The following ODF2 variants were observed in gnomAD, a reference collection of about 807,000 sequenced individuals.
ODF2 encodes the protein outer dense fiber protein 2.
A neutral mutation model predicts 110.2 loss-of-function variants in ODF2; 47 were observed. The ratio of observed to expected loss-of-function variants is 0.43; its 90% CI spans 0.34 to 0.54. ODF2 has a LOEUF of 0.54. Among genes scored for constraint, ODF2 ranks in the 20% least tolerant of loss-of-function variants. ODF2 has a pLI of 0.03. For missense variants in ODF2, 812 were observed against 1,054.5 expected (o/e 0.77, Z 3.19); for synonymous variants, 352 against 397.7 (o/e 0.89, Z 1.37).
In ODF2 at chr9:128,494,151, G is replaced by A. The variant is rs534480888; in HGVS notation, c.1753-359G>A. Among the ~76,000 whole-genome samples, 9 of 152,274 alleles carry A rather than the reference G, an allele frequency of 5.9e-5. No individual in the cohort carries two copies. Among genetic ancestry groups the A allele is most frequent in the Non-Finnish European group, 1.2e-4 (8 of 68,012 alleles). ...CCAGTTTTTAGCTGAATGACCTTGG[G>A]CAAATGACTTAGCTCTCTTGATGCT... is the stretch of plus-strand genomic sequence containing the variant. On this transcript the variant is annotated intron_variant, in intron 16 of 20. Coordinates refer to ENST00000604420, the Ensembl canonical transcript of ODF2. The surrounding 1 kb of genome is among the most constrained non-coding windows in gnomAD (Gnocchi z 4.6).
intron 6 of ODF2, 101 bp from the exon 7 acceptor site, chr9:128,472,812 C>CT: frequency 6.4e-7 from 1 of 1,552,562 alleles, no homozygotes; most frequent in African/African-American, 1.4e-5. Flanking sequence ...CTACTTTTCC[C>CT]TGACCAGAGG....
chr9:128,495,773 CTGAG>C (rs1457159740), intron 17 of ODF2, among the ~76,000 whole-genome samples: 1 of 152,176 alleles, frequency 6.6e-6, no homozygotes, highest in East Asian at 1.9e-4. Flanking sequence ...CTGGGTCTCT[CTGAG>C]TGGCCTCCCC....
At chr9:128,456,355 C>T (rs1450878713) in intron 1 of ODF2, 100 bp downstream of exon 1, 3 of 1,434,380 alleles carry the variant, frequency 2.1e-6, no homozygotes, top group African/African-American at 3.1e-5. Flanking sequence ...GCGGGGCCGT[C>T]GGGTCCTGGG....
exon 1 of ODF2, chr9:128,456,194 C>T (rs1834726723): frequency 1.9e-6 from 3 of 1,548,434 alleles, no homozygotes; most frequent in African/African-American, 1.4e-5. Context: ...TGGCACGACC[C>T]TGGCCTCCGA....
intron 16 of ODF2, among the ~76,000 whole-genome samples, chr9:128,493,222 C>T (rs544895343): frequency 6.6e-6 from 1 of 152,188 alleles, no homozygotes; most frequent in South Asian, 2.1e-4. Context: ...CCTGTCTCTA[C>T]TAAAAATACA....
intron 8 of ODF2, 92 bp from the exon 9 acceptor site, chr9:128,481,488 A>G: frequency 9.9e-7 from 1 of 1,007,602 alleles, no homozygotes; most frequent in Admixed American, 2.7e-5. Context: ...AAAAAAAAAT[A>G]CAATTTTTGG....
intron 4 of ODF2, chr9:128,461,291 C>G (rs1435704458): frequency 5.5e-6 from 3 of 546,720 alleles, no homozygotes; most frequent in Non-Finnish European, 9.6e-6. Flanking sequence ...GGAACCAGAC[C>G]TCAGAGAGAA....
intron 15 of ODF2, 40 bp downstream of exon 15, chr9:128,492,576 C>G (rs1844815891): frequency 1.3e-6 from 2 of 1,533,898 alleles, no homozygotes; most frequent in East Asian, 2.2e-5. Context: ...GAGCAGTGCC[C>G]TCCCTGCCCC....
intron 8 of ODF2, among the ~76,000 whole-genome samples, chr9:128,474,212 A>T (rs1840721293): frequency 6.6e-6 from 1 of 152,090 alleles, no homozygotes; most frequent in Non-Finnish European, 1.5e-5. Context: ...TACAAAAATT[A>T]GGCTGAGCGC....
chr9:128,494,809 C>A lies in ODF2; in HGVS notation c.1911+141C>A. On this transcript the variant is annotated intron_variant, in intron 17 of 20. Transcript: ENST00000604420. The surrounding 1 kb of genome is among the most constrained non-coding windows in gnomAD (Gnocchi z 4.6). Reference sequence around the variant, plus strand: ...TAAAAGGAGTGAGCTATCATCAGTGCTGTGAAATAAAAGTCTGGTGTGCCA... The same window carrying A: ...TAAAAGGAGTGAGCTATCATCAGTGATGTGAAATAAAAGTCTGGTGTGCCA... 1 of 1,547,226 alleles carries A rather than the reference C, an allele frequency of 6.5e-7. No individual in the cohort carries two copies. The highest frequency in any genetic ancestry group is 1.2e-5 in the South Asian group (1 of 84,000).
At chr9:128,457,396 A>G in exon 2 of ODF2, 1 of 1,613,128 alleles carries the variant, frequency 6.2e-7, no homozygotes, top group Non-Finnish European at 8.5e-7. Flanking sequence ...TGCGGCTTTG[A>G]TGCCTAGCCA....
upstream of ODF2, chr9:128,456,082 G>C (rs1468896047): frequency 1.3e-6 from 2 of 1,539,772 alleles, no homozygotes; most frequent in African/African-American, 1.4e-5. Flanking sequence ...GGGGGGGTTT[G>C]AACTGGCCAA....
intron 10 of ODF2, 46 bp downstream of exon 10, chr9:128,482,933 G>T (rs199504680): frequency 1.3e-5 from 20 of 1,496,044 alleles, no homozygotes; most frequent in East Asian, 2.3e-5. Context: ...GTCTCGCTCT[G>T]TCGCCAGGCT....
At chr9:128,460,447 C>G in intron 3 of ODF2, 103 bp from the exon 3 acceptor site, 3 of 1,534,940 alleles carry the variant, frequency 2.0e-6, no homozygotes, top group Non-Finnish European at 2.6e-6. Flanking sequence ...CGCTTGGTGG[C>G]TAGGCTTTTT....
intron 1 of ODF2, chr9:128,457,089 G>A: frequency 7.4e-7 from 1 of 1,359,944 alleles, no homozygotes; most frequent in Admixed American, 2.5e-5. Flanking sequence ...CCTCCGCGTG[G>A]GACCCGGGCG....
At chr9:128,456,819 G>A (rs932583779) in intron 1 of ODF2, 3 of 1,311,238 alleles carry the variant, frequency 2.3e-6, no homozygotes, top group African/African-American at 3.1e-5. Flanking sequence ...AACTCTGTTC[G>A]GTTTTCCCTC....
chr9:128,457,296 G>A, exon 2 of ODF2: 1 of 1,606,968 alleles, frequency 6.2e-7, no homozygotes, highest in South Asian at 1.1e-5. Flanking sequence ...CAGAGAGGAC[G>A]TTTGATGCCG....
chr9:128,466,652 T>TAA (rs1837992968), intron 4 of ODF2, among the ~76,000 whole-genome samples: 1 of 149,066 alleles, frequency 6.7e-6, no homozygotes. Flanking sequence ...CCCATATATA[T>TAA]ATATATATAT....
intron 8 of ODF2, among the ~76,000 whole-genome samples, chr9:128,475,688 C>T (rs1841116268): frequency 6.6e-6 from 1 of 151,934 alleles, no homozygotes; most frequent in South Asian, 2.1e-4. Flanking sequence ...CTCTGTCGCC[C>T]AGGTTGGAGT....
Sources: allele counts gnomAD v4.1 joint callset (sites outside exome capture counted in the v4.1 genomes callset), GRCh38; gene constraint gnomAD v4.1.1; non-coding constraint Gnocchi (gnomAD v3.1); transcripts MANE v1.5; gene names NCBI Gene and HGNC (gene_info 2026-07-23, HGNC 2026-07-21).